The following CHRNA9 variants were observed in gnomAD, a reference collection of about 807,000 sequenced individuals.
CHRNA9 encodes the protein neuronal acetylcholine receptor subunit alpha-9.
Under a neutral mutation model 36.8 loss-of-function variants are expected in CHRNA9, and 24 were observed. That is an observed-to-expected ratio of 0.65 (90% CI 0.47 to 0.92). CHRNA9 has a LOEUF of 0.92. Ranked by LOEUF, CHRNA9 falls within the 40% of genes least tolerant of loss-of-function variation. The pLI, the probability that CHRNA9 is intolerant of heterozygous loss-of-function variation, is 0.00. For synonymous variants in CHRNA9, 231 were observed against 231.8 expected, an observed-to-expected ratio of 1.00 and a Z score of 0.03; for missense variants, 610 against 601.2, an observed-to-expected ratio of 1.01 and a Z score of -0.15.
At chr4:40,342,559 G>A (rs1712527469) in intron 3 of CHRNA9, among the ~76,000 whole-genome samples, 1 of 152,182 alleles carries the variant, frequency 6.6e-6, no homozygotes, top group South Asian at 2.1e-4. Context: ...GGGAAGAGAG[G>A]ATGTCTAGGA....
chr4:40,335,636 G>A, intron 1 of CHRNA9, 105 bp downstream of exon 1: 3 of 1,052,884 alleles, frequency 2.8e-6, no homozygotes, highest in East Asian at 2.4e-5. Flanking sequence ...TCAACCGCAT[G>A]GAAGTGTTCT....
At chr4:40,340,168 C>T (rs937997936) in intron 3 of CHRNA9, among the ~76,000 whole-genome samples, 10 of 152,162 alleles carry the variant, frequency 6.6e-5, no homozygotes, top group Non-Finnish European at 2.9e-5. Context: ...TTCACACAAG[C>T]CTAGTGTGGC....
chr4:40,346,390 T>C (rs1712638462), intron 3 of CHRNA9, among the ~76,000 whole-genome samples: 1 of 152,218 alleles, frequency 6.6e-6, no homozygotes, highest in African/African-American at 2.4e-5. Flanking sequence ...GAACAGTCCC[T>C]TTCTTAAACT....
intron 3 of CHRNA9, among the ~76,000 whole-genome samples, 191 bp from the exon 4 acceptor site, chr4:40,348,691 C>T (rs149235538): frequency 5.0e-4 from 76 of 152,076 alleles, no homozygotes; most frequent in African/African-American, 1.7e-3. Context: ...AGAACTTGGC[C>T]CTGACTAGTT....
chr4:40,346,808 TA>T (rs1288332397), intron 3 of CHRNA9, among the ~76,000 whole-genome samples: 3 of 151,944 alleles, frequency 2.0e-5, no homozygotes, highest in Non-Finnish European at 4.4e-5. Flanking sequence ...TATTTTATTT[TA>T]TTTTTTTGTT....
In CHRNA9 at chr4:40,335,827, C is replaced by G. The variant is rs747174659; in HGVS notation, c.65C>G (p.Ala22Gly). Residue 22 changes from alanine to glycine, a missense_variant and splice_region_variant, in exon 2 of 5, where the codon GCT (alanine) becomes GGT (glycine). Transcript: ENST00000310169. ...AATCCAGATCCCTCTTGTTGAGTAG[C>G]TGCAGAGACGGCAGATGGAAAATAT... ...WIYFAASRLRAAETADGKYAQ... is the reference protein window; with the variant it reads ...WIYFAASRLRGAETADGKYAQ... The G allele has an allele frequency of 1.2e-6, 2 of 1,611,928 alleles. No individual in the cohort carries two copies. Among genetic ancestry groups the G allele is most frequent in the Non-Finnish European group, 1.7e-6 (2 of 1,178,488 alleles).
chr4:40,337,258 T>G lies in CHRNA9; in HGVS notation c.259T>G (p.Trp87Gly). Reference sequence around the variant, plus strand: ...TGCTTATTTGTGGATCCGCCAAATCTGGCACGATGCCTATCTCACGTGGGA... The same window carrying G: ...TGCTTATTTGTGGATCCGCCAAATCGGGCACGATGCCTATCTCACGTGGGA... ...LTAYLWIRQI[W>G]HDAYLTWDRD... is the part of the protein sequence containing the mutation. Residue 87 changes from tryptophan to glycine, a missense_variant, in exon 3 of 5, where the codon TGG (tryptophan) becomes GGG (glycine). Coordinates refer to ENST00000310169, the MANE Select transcript of CHRNA9 (RefSeq NM_017581.4). 6.2e-7 allele frequency: 1 copy of G among 1,614,194 alleles called. No homozygotes were observed. The highest frequency in any genetic ancestry group is 8.5e-7 in the Non-Finnish European group (1 of 1,180,022).
At chr4:40,338,209 C>G (rs2109677361) in intron 3 of CHRNA9, 1 of 152,228 alleles carries the variant, frequency 6.6e-6, no homozygotes, top group East Asian at 1.9e-4. Flanking sequence ...GTGACGTTTT[C>G]CCGGTCTCAG....
rs771890826 is a variant in CHRNA9 at position 40,354,514 on chromosome 4, G to A, written c.1434G>A (p.Ala478=). The change falls in exon 5 of 5, where the codon GCG becomes GCA. Residue 478 remains alanine (A), a synonymous_variant. Coordinates refer to ENST00000310169, the MANE Select transcript of CHRNA9 (RefSeq NM_017581.4). The stretch of plus-strand genomic sequence containing the variant: ...TGACTATTTTGATCATAGCAAGAGC[G>A]GATTAGTCACAGATATTGGCTTTGC... ...FVMTILIIAR[A]D is the part of the protein sequence containing the mutation. 30 of 1,604,454 alleles carry A rather than the reference G, an allele frequency of 1.9e-5. No homozygotes were observed. The highest frequency in any genetic ancestry group is 1.0e-4 in the South Asian group (9 of 90,154).
intron 3 of CHRNA9, among the ~76,000 whole-genome samples, chr4:40,343,853 A>G (rs548847703): frequency 6.6e-6 from 1 of 152,376 alleles, no homozygotes; most frequent in Admixed American, 6.5e-5. Flanking sequence ...TGTGATAGAT[A>G]GAATAATGCC....
chr4:40,335,685 GA>G, intron 1 of CHRNA9, 141 bp from the exon 2 acceptor site: 1 of 1,019,980 alleles, frequency 9.8e-7, no homozygotes. Context: ...GGGCATGCCA[GA>G]AAAACAACTC....
At chr4:40,345,086 G>A (rs763899457) in intron 3 of CHRNA9, among the ~76,000 whole-genome samples, 23 of 152,180 alleles carry the variant, frequency 1.5e-4, no homozygotes, top group Non-Finnish European at 2.4e-4. Flanking sequence ...CCAGCAGAAG[G>A]CACACAGCTA....
intron 3 of CHRNA9, among the ~76,000 whole-genome samples, chr4:40,345,203 A>G (rs1443464877): frequency 6.6e-6 from 1 of 152,138 alleles, no homozygotes; most frequent in Non-Finnish European, 1.5e-5. Flanking sequence ...GAGCTGTGTT[A>G]TGATCAAAAA....
At chr4:40,345,145 G>A (rs1004636482) in intron 3 of CHRNA9, among the ~76,000 whole-genome samples, 36 of 152,192 alleles carry the variant, frequency 2.4e-4, no homozygotes, top group African/African-American at 8.4e-4. Context: ...ACTAAACTGC[G>A]GAGGTGCAGA....
intron 4 of CHRNA9, among the ~76,000 whole-genome samples, chr4:40,350,936 A>T (rs993016770): frequency 1.3e-5 from 2 of 152,186 alleles, no homozygotes; most frequent in Non-Finnish European, 2.9e-5. Flanking sequence ...CTAAAGGCAG[A>T]TGTCTCACAG....
chr4:40,341,790 A>G (rs1175727277), intron 3 of CHRNA9, among the ~76,000 whole-genome samples: 3 of 152,178 alleles, frequency 2.0e-5, no homozygotes, highest in Non-Finnish European at 4.4e-5. Context: ...TTTGTTCAAA[A>G]TGTCAAGAAC....
chr4:40,353,728 C>T (rs947241177), intron 4 of CHRNA9, among the ~76,000 whole-genome samples: 4 of 152,094 alleles, frequency 2.6e-5, no homozygotes, highest in Admixed American at 6.5e-5. Context: ...CAATTGCCTG[C>T]GGTATTCAAT....
chr4:40,344,177 C>T (rs879860705), intron 3 of CHRNA9, among the ~76,000 whole-genome samples: 9 of 152,212 alleles, frequency 5.9e-5, no homozygotes, highest in Non-Finnish European at 1.3e-4. Flanking sequence ...CAGCCCTGCT[C>T]ACATTGGTTT....
intron 4 of CHRNA9, 51 bp downstream of exon 4, chr4:40,349,465 C>A (rs1712735589): frequency 1.9e-6 from 3 of 1,541,984 alleles, no homozygotes; most frequent in African/African-American, 1.4e-5. Context: ...TGCCTGGGGT[C>A]ATGCCTTTAA....
Sources: allele counts gnomAD v4.1 joint callset (sites outside exome capture counted in the v4.1 genomes callset), GRCh38; gene constraint gnomAD v4.1.1; transcripts MANE v1.5; gene names NCBI Gene and HGNC (gene_info 2026-07-23, HGNC 2026-07-21).